Variants in CNTN5 observed in about 807,000 individuals in gnomAD.
The protein encoded by CNTN5 is contactin 5.
Under a neutral mutation model 129.1 loss-of-function variants are expected in CNTN5, and 77 were observed. The observed-to-expected ratio is 0.60, with a 90% CI of 0.50 to 0.72. The LOEUF (loss-of-function observed/expected upper bound fraction) is 0.72. Ranked by LOEUF, CNTN5 falls within the 30% of genes least tolerant of loss-of-function variation. The pLI, the probability that CNTN5 is intolerant of heterozygous loss-of-function variation, is 0.00. For synonymous variants in CNTN5, 509 were observed against 465.6 expected (o/e 1.09, Z -1.20); for missense variants, 1,478 against 1,328.8 (o/e 1.11, Z -1.75).
chr11:99,845,134 A>G lies in CNTN5; in HGVS notation c.449A>G (p.Tyr150Cys). 2 of 1,613,802 alleles carry G rather than the reference A, an allele frequency of 1.2e-6. No individual in the cohort carries two copies. The highest frequency in any genetic ancestry group is 1.7e-6 in the Non-Finnish European group (2 of 1,179,848). Reference sequence around the variant, plus strand: ...ATAGATCTGGAAAGTGATTATCGCTACAGTTTGATAGATGGCACCTTCATT... The same window carrying G: ...ATAGATCTGGAAAGTGATTATCGCTGCAGTTTGATAGATGGCACCTTCATT... ...TEIDLESDYR[Y>C]SLIDGTFIIS... The change falls in exon 6 of 25, where the codon TAC (tyrosine) becomes TGC (cysteine). Residue 150 changes from tyrosine to cysteine, a missense_variant. Tyr to Cys is a radical substitution (Grantham distance 194, BLOSUM62 -2). Coordinates refer to ENST00000524871, the MANE Select transcript of CNTN5 (RefSeq NM_014361.4).
At chr11:100,015,909 GA>G (rs1940797061) in intron 9 of CNTN5, among the ~76,000 whole-genome samples, 2 of 151,984 alleles carry the variant, frequency 1.3e-5, no homozygotes, top group Admixed American at 1.3e-4. Flanking sequence ...TATGATGTCA[GA>G]AATATTTCTA....
At chr11:99,024,528 A>T (rs1273284035) in intron 1 of CNTN5, among the ~76,000 whole-genome samples, 1 of 152,110 alleles carries the variant, frequency 6.6e-6, no homozygotes, top group African/African-American at 2.4e-5. Flanking sequence ...TGTTTTGCCT[A>T]TTATAAATAT....
At chr11:99,422,011 T>C (rs1942909444) in intron 2 of CNTN5, among the ~76,000 whole-genome samples, 1 of 152,158 alleles carries the variant, frequency 6.6e-6, no homozygotes, top group Admixed American at 6.5e-5. Flanking sequence ...CTCTACTTGA[T>C]AGGAATAATT....
chr11:100,127,815 C>T lies in CNTN5; in HGVS notation c.1580+53521C>T, dbSNP rs114019770. Among the ~76,000 whole-genome samples the T allele has an allele frequency of 5.3e-3, 798 of 151,896 alleles. 6 individuals are homozygous for T. The highest frequency in any genetic ancestry group is 0.018 in the African/African-American group (742 of 41,438). On this transcript the variant is annotated intron_variant, in intron 13 of 24. Transcript: ENST00000524871. ...CTGTGATTGTAGTTGCCTGCCACTG[C>T]ATGCAGCTAATTTTTTTATATTTTT...
At chr11:99,674,371 G>A (rs1297885811) in intron 3 of CNTN5, among the ~76,000 whole-genome samples, 1 of 151,988 alleles carries the variant, frequency 6.6e-6, no homozygotes, top group Non-Finnish European at 1.5e-5. Context: ...CAGATGAGAA[G>A]TTTGCAAAAT....
chr11:99,655,548 A>C (rs949762525), intron 3 of CNTN5, among the ~76,000 whole-genome samples: 3 of 152,108 alleles, frequency 2.0e-5, no homozygotes, highest in African/African-American at 4.8e-5. Context: ...TAAAGGTCAG[A>C]ATCTCTTTGG....
Position 99,650,477 on chromosome 11 carries a change from A to C in CNTN5, c.55+94208A>C, listed in dbSNP as rs532527280. Among the ~76,000 whole-genome samples the C allele has an allele frequency of 5.9e-5, 9 of 151,994 alleles. No homozygotes were observed. In the South Asian group the frequency reaches 1.9e-3, roughly 32 times the overall value. ...GACCCAGGCTTTTGTGGGATAGGCT[A>C]CTCTCAGCCAGATAGCACCATAAGA... On this transcript the variant is annotated intron_variant, in intron 3 of 24. Coordinates refer to ENST00000524871, the MANE Select transcript of CNTN5 (RefSeq NM_014361.4).
chr11:99,117,980 G>T (rs150941213), intron 1 of CNTN5, among the ~76,000 whole-genome samples: 1 of 152,112 alleles, frequency 6.6e-6, no homozygotes, highest in Non-Finnish European at 1.5e-5. Context: ...ACAATTTTAG[G>T]TATGTTTTCT....
intron 13 of CNTN5, among the ~76,000 whole-genome samples, chr11:100,189,256 T>G (rs1591372405): frequency 7.9e-6 from 1 of 127,266 alleles, no homozygotes; most frequent in Non-Finnish European, 1.7e-5. Flanking sequence ...ATAAAATAAA[T>G]AAGTTGAATT....
chr11:99,147,592 T>C (rs1859850798), intron 1 of CNTN5, among the ~76,000 whole-genome samples: 1 of 152,170 alleles, frequency 6.6e-6, no homozygotes, highest in Non-Finnish European at 1.5e-5. Flanking sequence ...TAATATGTTT[T>C]TGAGAGAGCA....
intron 3 of CNTN5, among the ~76,000 whole-genome samples, chr11:99,600,077 G>A (rs542923741): frequency 1.2e-4 from 18 of 152,128 alleles, no homozygotes; most frequent in Middle Eastern, 3.4e-3. Context: ...AAACTCAGTC[G>A]TTGATAGCAG....
chr11:99,097,802 A>T (rs967021989), intron 1 of CNTN5, among the ~76,000 whole-genome samples: 4 of 152,022 alleles, frequency 2.6e-5, no homozygotes, highest in Non-Finnish European at 5.9e-5. Context: ...AAAACAATTT[A>T]TACTTTAAGT....
intron 13 of CNTN5, among the ~76,000 whole-genome samples, chr11:100,129,877 A>C (rs1565269269): frequency 6.6e-6 from 1 of 152,030 alleles, no homozygotes; most frequent in Non-Finnish European, 1.5e-5. Flanking sequence ...AGGTTAAAAA[A>C]ACACCTGACT....
intron 9 of CNTN5, among the ~76,000 whole-genome samples, chr11:100,052,717 A>G (rs1943020831): frequency 6.6e-6 from 1 of 151,820 alleles, no homozygotes; most frequent in Non-Finnish European, 1.5e-5. Flanking sequence ...TACTTCTGAA[A>G]CTTACATGAA....
intron 21 of CNTN5, among the ~76,000 whole-genome samples, chr11:100,316,827 C>G (rs1158464343): frequency 1.3e-5 from 2 of 152,086 alleles, no homozygotes; most frequent in South Asian, 2.1e-4. Flanking sequence ...TAACAATAAG[C>G]AACAATGTAT....
At chr11:100,140,274 T>G (rs1263609707) in intron 13 of CNTN5, among the ~76,000 whole-genome samples, 1 of 152,196 alleles carries the variant, frequency 6.6e-6, no homozygotes, top group Non-Finnish European at 1.5e-5. Context: ...CAGCTGTGTT[T>G]AACTGTATGG....
intron 9 of CNTN5, among the ~76,000 whole-genome samples, chr11:100,050,534 G>A (rs1016465245): frequency 1.4e-4 from 21 of 151,900 alleles, no homozygotes; most frequent in Non-Finnish European, 2.9e-4. Flanking sequence ...TAAATGACGA[G>A]TTAATGGGTG....
intron 3 of CNTN5, among the ~76,000 whole-genome samples, chr11:99,811,394 T>C (rs1328682126): frequency 6.6e-6 from 1 of 150,838 alleles, no homozygotes; most frequent in Non-Finnish European, 1.5e-5. Flanking sequence ...ATCTTCTTCA[T>C]AAATATTGCC....
intron 2 of CNTN5, among the ~76,000 whole-genome samples, chr11:99,503,371 C>T (rs1026292700): frequency 2.0e-5 from 3 of 152,150 alleles, no homozygotes; most frequent in Non-Finnish European, 4.4e-5. Context: ...GAAAAGACAG[C>T]AACGTGTCTG....
Sources: allele counts gnomAD v4.1 joint callset (sites outside exome capture counted in the v4.1 genomes callset), GRCh38; gene constraint gnomAD v4.1.1; transcripts MANE v1.5; gene names NCBI Gene and HGNC (gene_info 2026-07-23, HGNC 2026-07-21).